Variants in CDYL observed in about 807,000 individuals in gnomAD.
CDYL encodes the protein chromodomain Y-like protein.
Under a neutral mutation model 47.3 loss-of-function variants are expected in CDYL, and 8 were observed. The observed-to-expected ratio is 0.17, with a 90% CI of 0.10 to 0.31. The LOEUF (loss-of-function observed/expected upper bound fraction) is 0.31. Ranked by LOEUF, CDYL falls within the 10% of genes least tolerant of loss-of-function variation. The pLI, the probability that CDYL is intolerant of heterozygous loss-of-function variation, is 1.00. For missense variants in CDYL, 471 were observed against 701.4 expected (o/e 0.67, Z 3.71); for synonymous variants, 266 against 265.0 (o/e 1.00, Z -0.04).
At chr6:4,914,833 G>A (rs1239181079) in intron 2 of CDYL, among the ~76,000 whole-genome samples, 1 of 152,216 alleles carries the variant, frequency 6.6e-6, no homozygotes, top group Non-Finnish European at 1.5e-5. Flanking sequence ...AGCCCGGCAC[G>A]GTACCACAGT....
At chr6:4,799,314 C>G (rs1214466362) in intron 1 of CDYL, among the ~76,000 whole-genome samples, 1 of 151,922 alleles carries the variant, frequency 6.6e-6, no homozygotes, top group Non-Finnish European at 1.5e-5. Flanking sequence ...TGTTTTATGG[C>G]CCAGTATATG....
intron 2 of CDYL, among the ~76,000 whole-genome samples, chr6:4,900,418 C>T (rs567522801): frequency 9.9e-5 from 15 of 152,256 alleles, no homozygotes; most frequent in African/African-American, 3.4e-4. Context: ...CTTTCCCTCT[C>T]CTCTTTCTCC....
At chr6:4,759,137 T>G (rs1758129315) in intron 3 of CDYL, among the ~76,000 whole-genome samples, 1 of 151,656 alleles carries the variant, frequency 6.6e-6, no homozygotes, top group Non-Finnish European at 1.5e-5. Context: ...CCTGGCTAAT[T>G]TTTTTGTATT....
intron 2 of CDYL, among the ~76,000 whole-genome samples, chr6:4,906,793 G>A (rs991672613): frequency 3.3e-5 from 5 of 151,688 alleles, no homozygotes; most frequent in South Asian, 2.1e-4. Context: ...GTTTGGTTTC[G>A]TTTTATCTGG....
rs140021885 is a variant in CDYL at position 4,930,372 on chromosome 6, C to A, written c.692-5143C>A. On this transcript the variant is annotated intron_variant, in intron 2 of 6. Coordinates refer to ENST00000397588, the MANE Select transcript of CDYL (RefSeq NM_004824.4). ...CCATATCATGTCTCACAAATTACAG[C>A]CTCCTGGGCCTCCCCCAAGTCATCT... Among the ~76,000 whole-genome samples the A allele has an allele frequency of 4.6e-5, 7 of 152,312 alleles. No homozygotes were observed. In the East Asian group the frequency reaches 1.4e-3, roughly 29 times the overall value.
chr6:4,807,148 A>G (rs1759393404), intron 1 of CDYL, among the ~76,000 whole-genome samples: 2 of 152,202 alleles, frequency 1.3e-5, no homozygotes, highest in Non-Finnish European at 1.5e-5. Flanking sequence ...TCACCCCACT[A>G]AAGGCTCTTG....
chr6:4,768,125 A>C (rs1273680507), intron 3 of CDYL, among the ~76,000 whole-genome samples: 1 of 152,192 alleles, frequency 6.6e-6, no homozygotes, highest in Non-Finnish European at 1.5e-5. Flanking sequence ...CAACTTCCAC[A>C]TCTAGGCCTT....
At chr6:4,748,830 G>A (rs1757940621) in intron 3 of CDYL, among the ~76,000 whole-genome samples, 1 of 152,180 alleles carries the variant, frequency 6.6e-6, no homozygotes, top group South Asian at 2.1e-4. Flanking sequence ...AGGCTTCTAT[G>A]AAATTATTCC....
At chr6:4,709,812 T>C (rs955031754) in intron 1 of CDYL, among the ~76,000 whole-genome samples, 1 of 152,232 alleles carries the variant, frequency 6.6e-6, no homozygotes, top group Non-Finnish European at 1.5e-5. Flanking sequence ...CTTAGCTTGA[T>C]TCGGTGTGAG....
At chr6:4,913,890 C>T (rs576445696) in intron 2 of CDYL, among the ~76,000 whole-genome samples, 18 of 152,398 alleles carry the variant, frequency 1.2e-4, no homozygotes, top group African/African-American at 3.6e-4. Context: ...CCCTTGTTGG[C>T]GGAGCCCGGG....
intron 1 of CDYL, among the ~76,000 whole-genome samples, chr6:4,838,511 A>G (rs897858671): frequency 7.2e-5 from 11 of 152,164 alleles, no homozygotes; most frequent in East Asian, 1.9e-4. Flanking sequence ...AGAGTATTCT[A>G]TGGTATATAT....
At chr6:4,718,155 T>C (rs1033332147) in intron 2 of CDYL, among the ~76,000 whole-genome samples, 1 of 152,130 alleles carries the variant, frequency 6.6e-6, no homozygotes, top group Non-Finnish European at 1.5e-5. Flanking sequence ...TCTTTTTGAA[T>C]ATACCTAAGA....
intron 2 of CDYL, among the ~76,000 whole-genome samples, chr6:4,892,795 G>A (rs1762088738): frequency 6.6e-6 from 1 of 152,222 alleles, no homozygotes; most frequent in South Asian, 2.1e-4. Context: ...GCTCATCTGT[G>A]TGAATACCCA....
chr6:4,870,190 A>G (rs1267702878), intron 1 of CDYL, among the ~76,000 whole-genome samples: 5 of 152,140 alleles, frequency 3.3e-5, no homozygotes, highest in African/African-American at 1.2e-4. Flanking sequence ...TCAGCTTCCC[A>G]AGTAGCTTGG....
intron 2 of CDYL, among the ~76,000 whole-genome samples, chr6:4,724,181 C>T (rs1223368733): frequency 1.3e-5 from 2 of 152,080 alleles, no homozygotes; most frequent in African/African-American, 4.8e-5. Context: ...GCTGGGACCA[C>T]AGGCATGTGC....
At chr6:4,773,114 A>G (rs1382738855), upstream of CDYL, 5 of 457,250 alleles carry the variant, frequency 1.1e-5, no homozygotes, top group African/African-American at 1.0e-4. This position sits in a 1 kb window ranked among gnomAD's most constrained non-coding sequence, Gnocchi z 4.6. Context: ...ATCGATGATC[A>G]ATTGTTTGGA....
At chr6:4,752,059 A>G (rs1453122643) in intron 3 of CDYL, among the ~76,000 whole-genome samples, 1 of 152,186 alleles carries the variant, frequency 6.6e-6, no homozygotes, top group Non-Finnish European at 1.5e-5. Flanking sequence ...GACCCAATGA[A>G]TCAATCCCCT....
chr6:4,723,370 T>C (rs1462635542), intron 2 of CDYL, among the ~76,000 whole-genome samples: 1 of 151,978 alleles, frequency 6.6e-6, no homozygotes, highest in African/African-American at 2.4e-5. Flanking sequence ...TGCACTGTGC[T>C]GAGCAGGAAT....
chr6:4,822,896 A>G (rs1759880236), intron 1 of CDYL, among the ~76,000 whole-genome samples: 1 of 152,240 alleles, frequency 6.6e-6, no homozygotes, highest in Non-Finnish European at 1.5e-5. Flanking sequence ...TTGCATGTCC[A>G]GTACCACCTT....
Sources: allele counts gnomAD v4.1 joint callset (sites outside exome capture counted in the v4.1 genomes callset), GRCh38; gene constraint gnomAD v4.1.1; non-coding constraint Gnocchi (gnomAD v3.1); transcripts MANE v1.5; gene names NCBI Gene and HGNC (gene_info 2026-07-23, HGNC 2026-07-21).